R3HDM4: variants seen among roughly 807,000 people sequenced by gnomAD.
The protein encoded by R3HDM4 is R3H domain-containing protein 4.
R3HDM4 carries 30 observed loss-of-function variants against 31.3 expected under a neutral mutation model. The ratio of observed to expected loss-of-function variants is 0.96; its 90% CI spans 0.72 to 1.30. R3HDM4 has a LOEUF of 1.30. Among genes scored for constraint, R3HDM4 ranks in the 50% most tolerant of loss-of-function variants. The probability of loss-of-function intolerance (pLI) is 0.00; values close to 1 mark genes in which losing one functional copy is unlikely to be tolerated. For synonymous variants in R3HDM4, 196 were observed against 156.6 expected (o/e 1.25, Z -1.88); for missense variants, 444 against 366.1 (o/e 1.21, Z -1.74).
In R3HDM4 at chr19:897,454, G is replaced by A; in HGVS notation, c.790C>T (p.Leu264=). ...LPPGLLLSAY[L]EQHS ...GGCCGCCATCAGCTGTGCTGCTCCA[G>A]GTAGGCGGACAGGAGCAGCCCCGGC... is the stretch of plus-strand genomic sequence containing the variant. Residue 264 remains leucine, a synonymous_variant, in exon 8 of 8, where the codon CTG becomes TTG. Coordinates refer to ENST00000361574, the MANE Select transcript of R3HDM4 (RefSeq NM_138774.4). The A allele has an allele frequency of 1.9e-6, 3 of 1,611,050 alleles. No homozygotes were observed. The highest frequency in any genetic ancestry group is 1.7e-6 in the Non-Finnish European group (2 of 1,179,118).
Position 899,237 on chromosome 19 carries a change from G to A in R3HDM4, c.703+203C>T, listed in dbSNP as rs2036789924. On this transcript the variant is annotated intron_variant, in intron 7 of 7. Transcript: ENST00000361574. This position sits in a 1 kb window ranked among gnomAD's most constrained non-coding sequence, Gnocchi z 6.8. ...GCCTGGTTGTGTCTGCGGTCACCCTGCGTGGGGCCGCATATGCAGGGAGCT... is the reference window on the plus strand; with the variant it reads ...GCCTGGTTGTGTCTGCGGTCACCCTACGTGGGGCCGCATATGCAGGGAGCT... 6.6e-6 allele frequency among the ~76,000 whole-genome samples: 1 copy of A among 152,074 alleles called. No homozygotes were observed. The highest frequency in any genetic ancestry group is 1.5e-5 in the Non-Finnish European group (1 of 68,008).
rs1413466740 is a variant in R3HDM4 at position 897,454 on chromosome 19, G to C, written c.790C>G (p.Leu264Val). The C allele has an allele frequency of 1.5e-5, 24 of 1,611,050 alleles. No individual in the cohort carries two copies. The highest frequency in any genetic ancestry group is 1.9e-5 in the Non-Finnish European group (22 of 1,179,118). The part of the protein sequence containing the change: ...LPPGLLLSAY[L>V]EQHS Reference sequence around the variant, plus strand: ...GGCCGCCATCAGCTGTGCTGCTCCAGGTAGGCGGACAGGAGCAGCCCCGGC... The same window carrying C: ...GGCCGCCATCAGCTGTGCTGCTCCACGTAGGCGGACAGGAGCAGCCCCGGC... The change falls in exon 8 of 8, where the codon CTG (leucine) becomes GTG (valine). Residue 264 changes from leucine (L) to valine (V), a missense_variant. Physicochemically the swap from Leu to Val is conservative, Grantham distance 32 (BLOSUM62 1). Coordinates refer to ENST00000361574, the MANE Select transcript of R3HDM4 (RefSeq NM_138774.4).
chr19:908,222 A>G (rs1003580694), intron 1 of R3HDM4, among the ~76,000 whole-genome samples: 2 of 151,972 alleles, frequency 1.3e-5, no homozygotes, highest in Admixed American at 6.6e-5. Context: ...ACAAAAACAA[A>G]AAAACATCTG....
Position 899,410 on chromosome 19 carries a change from C to G in R3HDM4, c.703+30G>C. The G allele has an allele frequency of 3.7e-6, 6 of 1,612,610 alleles. No homozygotes were observed. The highest frequency in any genetic ancestry group is 5.1e-6 in the Non-Finnish European group (6 of 1,179,180). Reference sequence around the variant, plus strand: ...CACTTTCCCAGGTTGAGCTGGCCAACTTGGGGTCTTGGGGGCCACCGGCAC... The same window carrying G: ...CACTTTCCCAGGTTGAGCTGGCCAAGTTGGGGTCTTGGGGGCCACCGGCAC... On this transcript the variant is annotated intron_variant, in intron 7 of 7. Coordinates refer to ENST00000361574, the MANE Select transcript of R3HDM4 (RefSeq NM_138774.4). This position sits in a 1 kb window ranked among gnomAD's most constrained non-coding sequence, Gnocchi z 6.8.
At position 899,614 on chromosome 19, in the gene R3HDM4, T is replaced by C. The variant is rs765920121; in HGVS notation, c.634A>G (p.Met212Val). The change falls in exon 6 of 8, where the codon ATG becomes GTG. Residue 212 changes from methionine (M) to valine (V), a missense_variant. Transcript: ENST00000361574. The surrounding 1 kb of genome is among the most constrained non-coding windows in gnomAD (Gnocchi z 6.8). ...GCCCCCCCTTACCTGTTGTCTAGCA[T>C]TGCTGTGTACACGGCCTGGGGGGAC... Reference protein sequence around the residue: ...SVSPQAVYTAMLDNSFERLLL... With the variant: ...SVSPQAVYTAVLDNSFERLLL... The C allele has an allele frequency of 1.9e-6, 3 of 1,612,306 alleles. No homozygotes were observed. In the African/African-American group the frequency reaches 4.0e-5, roughly 22 times the overall value.
intron 1 of R3HDM4, among the ~76,000 whole-genome samples, chr19:904,730 C>T (rs752608891): frequency 2.0e-5 from 3 of 151,776 alleles, no homozygotes; most frequent in East Asian, 1.9e-4. Flanking sequence ...GAGATGAGAT[C>T]GTACCACTGC....
intron 1 of R3HDM4, 124 bp from the exon 2 acceptor site, chr19:902,254 T>C: frequency 9.8e-7 from 1 of 1,021,068 alleles, no homozygotes; most frequent in Non-Finnish European, 1.4e-6. Context: ...CTACGGTGTG[T>C]GAAGTCCTGG....
chr19:902,381 C>T (rs1024216248), intron 1 of R3HDM4: 22 of 483,490 alleles, frequency 4.6e-5, no homozygotes, highest in African/African-American at 3.1e-4. Context: ...AGGCTGAGGC[C>T]GGTGGATCAC....
intron 1 of R3HDM4, among the ~76,000 whole-genome samples, chr19:911,535 T>A (rs767820952): frequency 6.6e-6 from 1 of 152,236 alleles, no homozygotes; most frequent in Non-Finnish European, 1.5e-5. Context: ...CCCGCCGCAG[T>A]GCCAGCTCGG....
At position 899,061 on chromosome 19, in the gene R3HDM4, G is replaced by A. The variant is rs1275018405; in HGVS notation, c.703+379C>T. ...GGTCTCGCCTGAGGTCCCACGTGTGGTATGTGGGAGGCCTTAGAGTTAAAT... is the reference window on the plus strand; with the variant it reads ...GGTCTCGCCTGAGGTCCCACGTGTGATATGTGGGAGGCCTTAGAGTTAAAT... On this transcript the variant is annotated intron_variant, in intron 7 of 7. Transcript: ENST00000361574. This position sits in a 1 kb window ranked among gnomAD's most constrained non-coding sequence, Gnocchi z 6.8. 6.6e-6 allele frequency among the ~76,000 whole-genome samples: 1 copy of A among 152,110 alleles called. No individual in the cohort carries two copies. The highest frequency in any genetic ancestry group is 1.5e-5 in the Non-Finnish European group (1 of 68,004).
At chr19:901,156 TG>T in intron 3 of R3HDM4, 9 of 629,566 alleles carry the variant, frequency 1.4e-5, no homozygotes, top group East Asian at 3.2e-5. Flanking sequence ...TGTCTCGGGG[TG>T]GGGGGGATTG....
rs930246117 is a variant in R3HDM4, at chr19:902,211, G to A, written c.72-81C>T. The A allele has an allele frequency of 8.6e-5, 131 of 1,520,600 alleles. 1 individual carries two copies. In the African/African-American group the frequency reaches 1.5e-3, roughly 17 times the overall value. The allele number at this position is 1,520,600 out of a possible 1,614,324, so 94.2% of individuals were successfully genotyped here. On this transcript the variant is annotated intron_variant, in intron 1 of 7. Transcript: ENST00000361574. ...AAGGGCCCTACCACAGCCATGGCCCGCTTGGTTTCCCCCAGCAATGGAGAG... is the reference window on the plus strand; with the variant it reads ...AAGGGCCCTACCACAGCCATGGCCCACTTGGTTTCCCCCAGCAATGGAGAG...
rs1292361432 is a variant in R3HDM4 at position 899,621 on chromosome 19, G to T, written c.627C>A (p.Tyr209Ter). 1 of 1,611,724 alleles carries T rather than the reference G, an allele frequency of 6.2e-7. No individual in the cohort carries two copies. ...CTTACCTGTTGTCTAGCATTGCTGT[G>T]TACACGGCCTGGGGGGACACGGAGA... ...RFFSVSPQAV[Y>*]TAMLDNSFER... The change falls in exon 6 of 8, where the codon TAC becomes TAA. Residue 209 changes from tyrosine to a stop codon, truncating the protein, a stop_gained. Coordinates refer to ENST00000361574, the MANE Select transcript of R3HDM4 (RefSeq NM_138774.4). LOFTEE classifies it high-confidence loss of function. The surrounding 1 kb of genome is among the most constrained non-coding windows in gnomAD (Gnocchi z 6.8).
intron 1 of R3HDM4, among the ~76,000 whole-genome samples, chr19:908,841 G>A (rs984804748): frequency 6.6e-6 from 1 of 151,456 alleles, no homozygotes; most frequent in Admixed American, 6.6e-5. Context: ...TTACTTCTTT[G>A]CTCCTTAATC....
intron 1 of R3HDM4, among the ~76,000 whole-genome samples, chr19:906,510 G>A (rs111932385): frequency 0.012 from 1,808 of 152,160 alleles, 15 homozygotes; most frequent in Middle Eastern, 0.037. Context: ...GAGCCACCGC[G>A]CCCGGCTCAC....
Position 899,652 on chromosome 19 carries a change from C to T in R3HDM4, c.596G>A (p.Arg199Gln), listed in dbSNP as rs554294325. 1.1e-5 allele frequency: 18 copies of T among 1,604,394 alleles called. No individual in the cohort carries two copies. Among genetic ancestry groups the T allele is most frequent in the East Asian group, 1.1e-4 (5 of 44,720 alleles). The change falls in exon 6 of 8, where the codon CGG (arginine) becomes CAG (glutamine). Residue 199 changes from arginine to glutamine, a missense_variant. Arg to Gln is a conservative substitution (Grantham distance 43, BLOSUM62 1). Transcript: ENST00000361574. The surrounding 1 kb of genome is among the most constrained non-coding windows in gnomAD (Gnocchi z 6.8). ...TLETWEERLL[R>Q]FFSVSPQAVY... Reference sequence around the variant, plus strand: ...GGCCTGGGGGGACACGGAGAAGAACCGAAGCAGCCGCTCCTCCCAGGTCTC... The same window carrying T: ...GGCCTGGGGGGACACGGAGAAGAACTGAAGCAGCCGCTCCTCCCAGGTCTC...
chr19:901,075 ACT>A, intron 3 of R3HDM4, 123 bp from the exon 4 acceptor site: 2 of 1,242,224 alleles, frequency 1.6e-6, no homozygotes, highest in Non-Finnish European at 2.2e-6. Flanking sequence ...ACCTCTGTCC[ACT>A]GAGGGGCCGC....
intron 1 of R3HDM4, among the ~76,000 whole-genome samples, chr19:904,421 G>A (rs139865619): frequency 3.8e-3 from 579 of 152,204 alleles, no homozygotes; most frequent in Non-Finnish European, 6.0e-3. Context: ...GCCCACAGTC[G>A]AAAATCCCTA....
chr19:909,212 G>C (rs1359344617), intron 1 of R3HDM4, among the ~76,000 whole-genome samples: 3 of 152,214 alleles, frequency 2.0e-5, no homozygotes, highest in Non-Finnish European at 2.9e-5. Flanking sequence ...GATTTTGAGA[G>C]GGGAACTGTG....
Sources: allele counts gnomAD v4.1 joint callset (sites outside exome capture counted in the v4.1 genomes callset), GRCh38; gene constraint gnomAD v4.1.1; non-coding constraint Gnocchi (gnomAD v3.1); transcripts MANE v1.5; gene names NCBI Gene and HGNC (gene_info 2026-07-23, HGNC 2026-07-21).